The following KIRREL1 variants were observed in gnomAD, a reference collection of about 807,000 sequenced individuals.
KIRREL1 encodes kin of IRRE-like protein 1.
KIRREL1 carries 25 observed loss-of-function variants against 83.3 expected under a neutral mutation model. That is an observed-to-expected ratio of 0.30 (90% CI 0.22 to 0.42). The LOEUF is 0.42. KIRREL1 is among the 10% of genes least tolerant of loss of function. KIRREL1 has a pLI of 1.00. For synonymous variants in KIRREL1, 388 were observed against 410.4 expected, an observed-to-expected ratio of 0.95 and a Z score of 0.66; for missense variants, 812 against 1,032.3, an observed-to-expected ratio of 0.79 and a Z score of 2.92.
chr1:158,010,407 A>ATG, intron 1 of KIRREL1, among the ~76,000 whole-genome samples: 1 of 117,994 alleles, frequency 8.5e-6, no homozygotes. Context: ...ACACACACAC[A>ATG]CACACACACA....
Position 158,013,381 on chromosome 1 carries a change from G to T in KIRREL1, c.52+19653G>T, listed in dbSNP as rs148248320. ...CTGACTTCCCCTAGAAGCATGCCATGTTTGTGATGAGGATTCCTGGACGAT... is the reference window on the plus strand; with the variant it reads ...CTGACTTCCCCTAGAAGCATGCCATTTTTGTGATGAGGATTCCTGGACGAT... On this transcript the variant is annotated intron_variant, in intron 1 of 14. Coordinates refer to ENST00000359209, the MANE Select transcript of KIRREL1 (RefSeq NM_018240.7). 3.4e-3 allele frequency among the ~76,000 whole-genome samples: 518 copies of T among 151,596 alleles called. 3 individuals are homozygous for T. The highest frequency in any genetic ancestry group is 0.012 in the African/African-American group (488 of 41,490).
At chr1:157,999,693 C>T (rs768013836) in intron 1 of KIRREL1, among the ~76,000 whole-genome samples, 107 of 151,194 alleles carry the variant, frequency 7.1e-4, no homozygotes, top group Non-Finnish European at 1.4e-3. Context: ...ACTTGGCAAT[C>T]TCCTGGAGGG....
At chr1:158,030,505 G>T (rs1660292716) in intron 1 of KIRREL1, among the ~76,000 whole-genome samples, 1 of 152,146 alleles carries the variant, frequency 6.6e-6, no homozygotes, top group Non-Finnish European at 1.5e-5. Context: ...CAAAGTTCTG[G>T]AGTCAGAAGA....
In KIRREL1 at chr1:158,064,936, T is replaced by TG. The variant is rs1264458932; in HGVS notation, c.53-11177_53-11176insG. Among the ~76,000 whole-genome samples, 8 of 150,634 alleles carry TG rather than the reference T, an allele frequency of 5.3e-5. No individual in the cohort carries two copies. The East Asian group carries it at 1.6e-3, about 29-fold the overall frequency. ...TCTAACACCTAAACCTGCTGGTCTT[T>TG]TTTTTTTTTTTTTTTTAATTTTGAA... On this transcript the variant is annotated intron_variant, in intron 1 of 14. Coordinates refer to ENST00000359209, the MANE Select transcript of KIRREL1 (RefSeq NM_018240.7).
At chr1:158,093,819 C>A in intron 13 of KIRREL1, 57 bp downstream of exon 13, 1 of 1,595,236 alleles carries the variant, frequency 6.3e-7, no homozygotes, top group South Asian at 1.1e-5. Flanking sequence ...AGGACCAGCT[C>A]CATCCCAGAT....
At chr1:158,029,268 A>G (rs940732021) in intron 1 of KIRREL1, among the ~76,000 whole-genome samples, 4 of 152,128 alleles carry the variant, frequency 2.6e-5, no homozygotes, top group African/African-American at 9.7e-5. Flanking sequence ...AGATCTCCAC[A>G]GTGCTAGACC....
chr1:158,057,084 G>A (rs900561739), intron 1 of KIRREL1, among the ~76,000 whole-genome samples: 1 of 152,140 alleles, frequency 6.6e-6, no homozygotes, highest in Admixed American at 6.5e-5. Context: ...CCTGTTGTGT[G>A]CCAGGACCTG....
chr1:158,009,598 G>T (rs957473438), intron 1 of KIRREL1, among the ~76,000 whole-genome samples: 1 of 152,222 alleles, frequency 6.6e-6, no homozygotes, highest in African/African-American at 2.4e-5. Context: ...CGAAAAAGGA[G>T]GGAAGGCACA....
At chr1:158,082,566 G>C (rs1344114895) in intron 3 of KIRREL1, among the ~76,000 whole-genome samples, 1 of 152,148 alleles carries the variant, frequency 6.6e-6, no homozygotes, top group Non-Finnish European at 1.5e-5. Flanking sequence ...TGGGCACCGT[G>C]GGTCTCCCAA....
chr1:158,071,605 C>T (rs1463441164), intron 1 of KIRREL1, among the ~76,000 whole-genome samples: 1 of 152,226 alleles, frequency 6.6e-6, no homozygotes, highest in Non-Finnish European at 1.5e-5. Context: ...TGTCTGTGGT[C>T]AGGACCTTCC....
chr1:158,027,532 T>A (rs1175337440), intron 1 of KIRREL1, among the ~76,000 whole-genome samples: 3 of 152,216 alleles, frequency 2.0e-5, no homozygotes, highest in African/African-American at 7.2e-5. Flanking sequence ...TTGGTTTGTC[T>A]GGTGAACACC....
chr1:158,031,437 C>A (rs1660324521), intron 1 of KIRREL1, among the ~76,000 whole-genome samples: 1 of 152,150 alleles, frequency 6.6e-6, no homozygotes. Context: ...TGGGACTGCC[C>A]AGTGGTACTT....
intron 1 of KIRREL1, among the ~76,000 whole-genome samples, chr1:158,052,656 G>A (rs1466718917): frequency 6.6e-6 from 1 of 151,852 alleles, no homozygotes; most frequent in African/African-American, 2.4e-5. Context: ...CGTGGTGGCG[G>A]GTGCCTGTAG....
chr1:158,040,857 C>A (rs1425920550), intron 1 of KIRREL1, among the ~76,000 whole-genome samples: 1 of 151,878 alleles, frequency 6.6e-6, no homozygotes, highest in East Asian at 1.9e-4. Flanking sequence ...CTTGGGTGAC[C>A]AGCTAAGGAT....
intron 1 of KIRREL1, among the ~76,000 whole-genome samples, chr1:158,006,837 G>A (rs1659531704): frequency 6.6e-6 from 1 of 152,224 alleles, no homozygotes. Flanking sequence ...AGGAAAGTGG[G>A]CATGGGGGTG....
In KIRREL1 at chr1:158,040,962, A is replaced by T. The variant is rs990066094; in HGVS notation, c.53-35151A>T. 4.6e-5 allele frequency among the ~76,000 whole-genome samples: 7 copies of T among 151,498 alleles called. No individual in the cohort carries two copies. The South Asian group carries it at 1.5e-3, about 32-fold the overall frequency. On this transcript the variant is annotated intron_variant, in intron 1 of 14. Transcript: ENST00000359209. ...TGTGTTTTAGGATAACTCTAGGGGT[A>T]GGGGGAGCTGGGCATGTGTGGAAGT...
chr1:158,042,197 G>A (rs901580820), intron 1 of KIRREL1, among the ~76,000 whole-genome samples: 6 of 148,654 alleles, frequency 4.0e-5, no homozygotes, highest in African/African-American at 1.5e-4. Context: ...GCTGCGTCGT[G>A]TGGGTCTTCT....
At chr1:158,090,420 A>T (rs935177114) in intron 10 of KIRREL1, among the ~76,000 whole-genome samples, 27 of 152,032 alleles carry the variant, frequency 1.8e-4, no homozygotes, top group African/African-American at 5.6e-4. Flanking sequence ...TCCTTCCGTG[A>T]CTATTAACTG....
At chr1:158,064,208 T>A (rs1025338215) in intron 1 of KIRREL1, among the ~76,000 whole-genome samples, 1 of 152,186 alleles carries the variant, frequency 6.6e-6, no homozygotes, top group African/African-American at 2.4e-5. Context: ...TAAAAAAAGT[T>A]ATAGCTGCAG....
Sources: gnomAD v4.1 joint callset for allele counts (sites outside exome capture counted in the v4.1 genomes callset) on GRCh38, gnomAD v4.1.1 for gene constraint, MANE v1.5 for transcripts, NCBI Gene and HGNC (gene_info 2026-07-23, HGNC 2026-07-21) for gene names.